CTCF: variants seen among roughly 807,000 people sequenced by gnomAD.
The protein encoded by CTCF is CCCTC-binding factor.
Under a neutral mutation model 72.3 loss-of-function variants are expected in CTCF, and 7 were observed. That is an observed-to-expected ratio of 0.10 (90% CI 0.06 to 0.18). The LOEUF (loss-of-function observed/expected upper bound fraction) is 0.18. Ranked by LOEUF, CTCF falls within the 10% of genes least tolerant of loss-of-function variation. The pLI is 1.00. For missense variants in CTCF, 516 were observed against 949.1 expected (o/e 0.54, Z 6.00); for synonymous variants, 374 against 315.8 (o/e 1.18, Z -1.95).
rs2051414988 is a variant in CTCF at position 67,571,245 on chromosome 16, G to T, written c.-29G>T. The stretch of plus-strand genomic sequence containing the variant: ...GGGTTCTATTTTCCCTCCTCAAACT[G>T]ACTTTGCAGCCACGGAGAGGTAAGT... On this transcript the variant is annotated 5_prime_UTR_variant, in exon 2 of 12. Transcript: ENST00000264010. 6.6e-6 allele frequency: 1 copy of T among 152,560 alleles called. No homozygotes were observed. The highest frequency in any genetic ancestry group is 2.4e-5 in the African/African-American group (1 of 41,414). 9.5% of individuals were successfully genotyped at this position (152,560 alleles called of 1,614,324 possible).
rs1597719346 is a variant in CTCF, at chr16:67,618,734, G to A, written c.1086+1856G>A. 2.0e-5 allele frequency among the ~76,000 whole-genome samples: 3 copies of A among 152,294 alleles called. No homozygotes were observed. In the South Asian group the frequency reaches 6.2e-4, roughly 32 times the overall value. ...GAAATCAGTAACGTCAATAGTGATA[G>A]GAAGGTATGAAATGGATTCTAATAG... On this transcript the variant is annotated intron_variant, in intron 5 of 11. Coordinates refer to ENST00000264010, the MANE Select transcript of CTCF (RefSeq NM_006565.4).
intron 2 of CTCF, 106 bp downstream of exon 2, chr16:67,571,370 T>C (rs1011522014): frequency 1.3e-5 from 2 of 152,476 alleles, no homozygotes; most frequent in African/African-American, 4.8e-5. Flanking sequence ...ATGCAGGATA[T>C]CAGGTGATTG....
At chr16:67,621,418 G>C (rs369274023) in intron 6 of CTCF, 24 bp from the exon 7 acceptor site, 37 of 1,538,682 alleles carry the variant, frequency 2.4e-5, no homozygotes, top group Non-Finnish European at 3.3e-5. Flanking sequence ...TCATTTATGT[G>C]TTCATTCTGT....
intron 10 of CTCF, among the ~76,000 whole-genome samples, chr16:67,633,781 G>C (rs1021453512): frequency 2.1e-5 from 3 of 143,196 alleles, no homozygotes; most frequent in Admixed American, 1.4e-4. Context: ...CTTGTCCCCT[G>C]ACACACACAC....
In CTCF at chr16:67,604,992, T is replaced by TG. The variant is rs1555533458; in HGVS notation, c.-9-5831dup. Among the ~76,000 whole-genome samples, 80 of 141,916 alleles carry TG rather than the reference T, an allele frequency of 5.6e-4. 1 individual carries two copies. The highest frequency in any genetic ancestry group is 2.0e-3 in the African/African-American group (76 of 37,614). 93.1% of individuals were successfully genotyped at this position (141,916 alleles called of 152,430 possible). A position where few individuals can be genotyped will look rare whatever the true frequency, so the allele number is the denominator to read the frequency against. ...TTTTTTTTTTTTTTTTTTTTTTTTT[T>TG]GAGACAGTCTCGCTCTGTCTCCCAG... is the stretch of plus-strand genomic sequence containing the variant. On this transcript the variant is annotated intron_variant, in intron 2 of 11. Coordinates refer to ENST00000264010, the MANE Select transcript of CTCF (RefSeq NM_006565.4).
intron 10 of CTCF, among the ~76,000 whole-genome samples, chr16:67,631,165 G>GTTTTTTT (rs931210083): frequency 7.6e-6 from 1 of 131,128 alleles, no homozygotes; most frequent in Non-Finnish European, 1.6e-5. Flanking sequence ...TTTTTTTTTT[G>GTTTTTTT]TTTTTTGTTT....
chr16:67,633,988 G>C (rs1419935251), intron 10 of CTCF, among the ~76,000 whole-genome samples: 2 of 152,058 alleles, frequency 1.3e-5, no homozygotes, highest in Non-Finnish European at 2.9e-5. Context: ...AAAGCTAAAA[G>C]GAAAAAGTAA....
intron 2 of CTCF, among the ~76,000 whole-genome samples, chr16:67,577,794 A>G (rs377237321): frequency 6.6e-6 from 1 of 152,138 alleles, no homozygotes; most frequent in African/African-American, 2.4e-5. Context: ...GAACAGTTAT[A>G]GAAGTGCAGC....
At chr16:67,621,677 T>G in intron 7 of CTCF, 86 bp downstream of exon 7, 1 of 1,007,564 alleles carries the variant, frequency 9.9e-7, no homozygotes, top group Non-Finnish European at 1.5e-6. Context: ...AACTTCACCT[T>G]CTGACTCTCA....
intron 7 of CTCF, 116 bp downstream of exon 7, chr16:67,621,707 A>G (rs559648370): frequency 6.1e-6 from 4 of 659,566 alleles, no homozygotes; most frequent in East Asian, 2.9e-5. Context: ...ATGTATAGGA[A>G]TGGCCTGTCA....
intron 2 of CTCF, among the ~76,000 whole-genome samples, chr16:67,584,431 C>G (rs191049230): frequency 0.011 from 1,679 of 150,118 alleles, 48 homozygotes; most frequent in East Asian, 0.095. Context: ...ACCTCTGCCC[C>G]CCAGGTTCAA....
intron 2 of CTCF, among the ~76,000 whole-genome samples, chr16:67,576,396 C>A (rs544484847): frequency 1.3e-5 from 2 of 151,522 alleles, no homozygotes; most frequent in African/African-American, 2.4e-5. Context: ...GTTTGGGGGT[C>A]ACTTTTTGTT....
intron 2 of CTCF, among the ~76,000 whole-genome samples, chr16:67,603,422 A>C (rs2051924314): frequency 6.6e-6 from 1 of 151,592 alleles, no homozygotes; most frequent in African/African-American, 2.4e-5. Context: ...AGTCCCAGCT[A>C]CTCAGGAGGC....
chr16:67,633,816 TCTCA>T (rs1555536513), intron 10 of CTCF, among the ~76,000 whole-genome samples: 14 of 141,250 alleles, frequency 9.9e-5, no homozygotes, highest in African/African-American at 2.7e-4. Context: ...ACACACACAC[TCTCA>T]CTCACTCACT....
intron 2 of CTCF, among the ~76,000 whole-genome samples, chr16:67,586,660 C>A (rs2051673126): frequency 1.3e-5 from 2 of 151,524 alleles, no homozygotes; most frequent in Non-Finnish European, 1.5e-5. Flanking sequence ...AAAAAAAAAA[C>A]AAAGTAACAT....
At chr16:67,588,167 A>G (rs925717197) in intron 2 of CTCF, among the ~76,000 whole-genome samples, 5 of 152,096 alleles carry the variant, frequency 3.3e-5, no homozygotes, top group Admixed American at 3.3e-4. Context: ...CAGGATCTAT[A>G]TTTTTTAAAG....
chr16:67,575,980 C>A (rs1469349345), intron 2 of CTCF, among the ~76,000 whole-genome samples: 1 of 146,108 alleles, frequency 6.8e-6, no homozygotes, highest in African/African-American at 2.5e-5. Context: ...CTTAGTGAGA[C>A]CTTGTCTGTA....
At chr16:67,621,933 C>T (rs1265694696) in intron 7 of CTCF, among the ~76,000 whole-genome samples, 2 of 152,030 alleles carry the variant, frequency 1.3e-5, no homozygotes, top group African/African-American at 4.8e-5. Flanking sequence ...AAACTCAGGT[C>T]ATTCTATTGT....
rs779934516 is a variant in CTCF, at chr16:67,628,566, C to T, written c.1701+14C>T. The T allele has an allele frequency of 6.2e-7, 1 of 1,611,700 alleles. No homozygotes were observed. The highest frequency in any genetic ancestry group is 8.5e-7 in the Non-Finnish European group (1 of 1,177,958). ...TTTACACGTCGGGTAAGGGTCAGAA[C>T]TTCACTTTGCCTGTTATGATACTGA... On this transcript the variant is annotated intron_variant, in intron 9 of 11. Transcript: ENST00000264010.
Sources: allele counts gnomAD v4.1 joint callset (sites outside exome capture counted in the v4.1 genomes callset), GRCh38; gene constraint gnomAD v4.1.1; transcripts MANE v1.5; gene names NCBI Gene and HGNC (gene_info 2026-07-23, HGNC 2026-07-21).